The following VAV3 variants were observed in gnomAD, a reference collection of about 807,000 sequenced individuals.
VAV3 encodes the protein vav guanine nucleotide exchange factor 3.
A neutral mutation model predicts 131.2 loss-of-function variants in VAV3; 94 were observed. That is an observed-to-expected ratio of 0.72 (90% CI 0.61 to 0.85). The LOEUF (loss-of-function observed/expected upper bound fraction) is 0.85. Among genes scored for constraint, VAV3 ranks in the 40% least tolerant of loss-of-function variants. The pLI, the probability that VAV3 is intolerant of heterozygous loss-of-function variation, is 0.00. For synonymous variants in VAV3, 349 were observed against 342.0 expected (o/e 1.02, Z -0.22); for missense variants, 939 against 1,002.7 (o/e 0.94, Z 0.86).
intron 24 of VAV3, among the ~76,000 whole-genome samples, chr1:107,598,556 G>A (rs998734389): frequency 6.6e-6 from 1 of 151,994 alleles, no homozygotes; most frequent in Non-Finnish European, 1.5e-5. Flanking sequence ...AGATAATGTG[G>A]GTCCTTGTTG....
chr1:107,644,221 C>T (rs778303817), intron 19 of VAV3, among the ~76,000 whole-genome samples: 1 of 152,052 alleles, frequency 6.6e-6, no homozygotes, highest in African/African-American at 2.4e-5. Flanking sequence ...TATTAAGTTG[C>T]TACTGCTAAT....
chr1:107,883,977 T>C (rs1279078752), intron 1 of VAV3, among the ~76,000 whole-genome samples: 1 of 152,136 alleles, frequency 6.6e-6, no homozygotes, highest in African/African-American at 2.4e-5. Flanking sequence ...ACCTTGGAAG[T>C]GCAGAGGTCA....
chr1:107,684,881 T>C (rs1658908773), intron 18 of VAV3, among the ~76,000 whole-genome samples: 2 of 152,234 alleles, frequency 1.3e-5, no homozygotes, highest in African/African-American at 4.8e-5. Context: ...TGAAATTTTA[T>C]AATTTAGAGG....
At chr1:107,793,241 C>G (rs1446552346) in intron 2 of VAV3, among the ~76,000 whole-genome samples, 1 of 152,086 alleles carries the variant, frequency 6.6e-6, no homozygotes, top group East Asian at 1.9e-4. Flanking sequence ...AGGGTCAATA[C>G]CTTCATCATG....
chr1:107,738,250 T>C (rs1392695547), intron 15 of VAV3, among the ~76,000 whole-genome samples: 1 of 152,104 alleles, frequency 6.6e-6, no homozygotes, highest in African/African-American at 2.4e-5. Context: ...AAAAACCTAA[T>C]GTAAATCATG....
At chr1:107,914,182 CTAA>C (rs1553230236) in intron 1 of VAV3, among the ~76,000 whole-genome samples, 1 of 152,174 alleles carries the variant, frequency 6.6e-6, no homozygotes, top group Non-Finnish European at 1.5e-5. Context: ...ATGTAAATGG[CTAA>C]TGAGTACAGA....
intron 11 of VAV3, among the ~76,000 whole-genome samples, chr1:107,755,885 T>C (rs988762310): frequency 3.3e-5 from 5 of 152,316 alleles, no homozygotes; most frequent in African/African-American, 1.2e-4. Flanking sequence ...TTACACAGGT[T>C]AGAAGAAGGG....
At chr1:107,737,887 T>C (rs994468799) in intron 15 of VAV3, among the ~76,000 whole-genome samples, 8 of 152,296 alleles carry the variant, frequency 5.3e-5, no homozygotes, top group Middle Eastern at 3.4e-3. Flanking sequence ...ATCATGCTAC[T>C]ATAAAGACAC....
intron 1 of VAV3, among the ~76,000 whole-genome samples, chr1:107,905,523 T>A (rs111393520): frequency 1.3e-4 from 20 of 152,152 alleles, no homozygotes; most frequent in African/African-American, 4.8e-4. Context: ...GCTAAAGACC[T>A]CTGACATCTT....
At chr1:107,863,549 A>T (rs776588993) in intron 2 of VAV3, among the ~76,000 whole-genome samples, 1 of 152,222 alleles carries the variant, frequency 6.6e-6, no homozygotes, top group Non-Finnish European at 1.5e-5. Context: ...CTGGACCTCA[A>T]GATCCAGCTT....
chr1:107,735,761 C>T (rs749095437), intron 15 of VAV3, among the ~76,000 whole-genome samples: 17 of 152,092 alleles, frequency 1.1e-4, no homozygotes, highest in Non-Finnish European at 2.2e-4. Context: ...GATTCACAAC[C>T]GACTTCTACC....
At chr1:107,854,738 A>G (rs1669390102) in intron 2 of VAV3, among the ~76,000 whole-genome samples, 1 of 152,212 alleles carries the variant, frequency 6.6e-6, no homozygotes, top group Middle Eastern at 3.2e-3. Flanking sequence ...GCCATAGTGA[A>G]TCACGAATAT....
intron 2 of VAV3, among the ~76,000 whole-genome samples, chr1:107,811,882 T>G (rs1214035266): frequency 1.3e-5 from 2 of 151,144 alleles, no homozygotes; most frequent in Non-Finnish European, 2.9e-5. Context: ...CAAGGAAAAT[T>G]GACAGATTAA....
intron 2 of VAV3, among the ~76,000 whole-genome samples, chr1:107,803,280 C>G (rs896986616): frequency 8.6e-5 from 13 of 151,642 alleles, no homozygotes; most frequent in African/African-American, 3.1e-4. Context: ...TTCAGAAAAC[C>G]AACTTTTCAT....
chr1:107,637,097 G>A (rs948572122), intron 20 of VAV3, among the ~76,000 whole-genome samples: 3 of 151,772 alleles, frequency 2.0e-5, no homozygotes, highest in African/African-American at 7.3e-5. Flanking sequence ...GGGCTGACCA[G>A]GCAAAAAGAG....
At chr1:107,685,760 T>C (rs1198668110) in intron 18 of VAV3, 1 of 152,018 alleles carries the variant, frequency 6.6e-6, no homozygotes, top group Non-Finnish European at 1.5e-5. Flanking sequence ...GTTCAGCAGA[T>C]CATATTTTGA....
chr1:107,651,965 A>C (rs1656207289), intron 19 of VAV3, among the ~76,000 whole-genome samples: 1 of 152,010 alleles, frequency 6.6e-6, no homozygotes, highest in South Asian at 2.1e-4. Context: ...AGGGTTCCTT[A>C]AATACCTGGA....
chr1:107,809,899 C>T (rs2102327406), intron 2 of VAV3, among the ~76,000 whole-genome samples: 1 of 152,212 alleles, frequency 6.6e-6, no homozygotes, highest in Non-Finnish European at 1.5e-5. Context: ...TCTCAATTTC[C>T]TAGAGAAACG....
intron 15 of VAV3, among the ~76,000 whole-genome samples, chr1:107,732,706 C>T (rs1046012097): frequency 2.6e-5 from 4 of 152,100 alleles, no homozygotes; most frequent in African/African-American, 9.7e-5. Flanking sequence ...ACAAAGTGGC[C>T]GGGAAGCTCG....
Sources: allele counts gnomAD v4.1 joint callset (sites outside exome capture counted in the v4.1 genomes callset), GRCh38; gene constraint gnomAD v4.1.1; transcripts MANE v1.5; gene names NCBI Gene and HGNC (gene_info 2026-07-23, HGNC 2026-07-21).